Variants in LHPP observed in about 807,000 individuals in gnomAD.
LHPP encodes the protein phospholysine phosphohistidine inorganic pyrophosphate phosphatase.
In LHPP, 24 loss-of-function variants were observed where a neutral mutation model predicts 30.3. The ratio of observed to expected loss-of-function variants is 0.79; its 90% confidence interval spans 0.57 to 1.11. The LOEUF (loss-of-function observed/expected upper bound fraction) is 1.11, where lower values mean the gene tolerates loss of function less well. Ranked by LOEUF, LHPP falls within the 50% of genes most tolerant of loss-of-function variation. The probability of loss-of-function intolerance (pLI) is 0.00; values close to 1 mark genes in which losing one functional copy is unlikely to be tolerated. For missense variants in LHPP, 356 were observed against 367.2 expected (o/e 0.97, Z 0.25); for synonymous variants, 150 against 157.1 (o/e 0.95, Z 0.34).
rs1185061215 is a variant in LHPP, at chr10:124,593,502, G to A, written c.717-19762G>A. On this transcript the variant is annotated intron_variant, in intron 6 of 6. Transcript: ENST00000368842. The surrounding 1 kb of genome is among the most constrained non-coding windows in gnomAD (Gnocchi z 4.9). Reference sequence around the variant, plus strand: ...TTGTTTCCAGCATTAGAGTCACACTGGGGTCCTTGTTCTAGCCCCCGTGTG... The same window carrying A: ...TTGTTTCCAGCATTAGAGTCACACTAGGGTCCTTGTTCTAGCCCCCGTGTG... 6.6e-6 allele frequency among the ~76,000 whole-genome samples: 1 copy of A among 152,174 alleles called. No individual in the cohort carries two copies. The highest frequency in any genetic ancestry group is 1.5e-5 in the Non-Finnish European group (1 of 68,034).
chr10:124,559,167 C>T (rs1371438986), intron 6 of LHPP, among the ~76,000 whole-genome samples: 2 of 152,200 alleles, frequency 1.3e-5, no homozygotes, highest in Non-Finnish European at 2.9e-5. Flanking sequence ...TTTCTACCCC[C>T]AGGCTAGTTA....
At chr10:124,466,764 C>A (rs1171402912) in intron 1 of LHPP, among the ~76,000 whole-genome samples, 2 of 151,650 alleles carry the variant, frequency 1.3e-5, no homozygotes, top group Non-Finnish European at 2.9e-5. Flanking sequence ...GCCTGCATAT[C>A]ATTTTTAAGA....
chr10:124,606,526 C>T (rs1230939608), intron 6 of LHPP, among the ~76,000 whole-genome samples: 1 of 152,222 alleles, frequency 6.6e-6, no homozygotes, highest in Non-Finnish European at 1.5e-5. Flanking sequence ...GCTGCAGGGT[C>T]CCCAGGTGCA....
At chr10:124,574,316 C>T (rs1375913902) in intron 6 of LHPP, among the ~76,000 whole-genome samples, 1 of 152,162 alleles carries the variant, frequency 6.6e-6, no homozygotes, top group Admixed American at 6.5e-5. Context: ...TCGCCAGCAG[C>T]AGGCTCGCCC....
Position 124,576,085 on chromosome 10 carries a change from C to T in LHPP, c.717-37179C>T, listed in dbSNP as rs1445908150. 2.6e-5 allele frequency among the ~76,000 whole-genome samples: 4 copies of T among 152,152 alleles called. No individual in the cohort carries two copies. Among genetic ancestry groups the T allele is most frequent in the Admixed American group, 6.5e-5 (1 of 15,284 alleles). On this transcript the variant is annotated intron_variant, in intron 6 of 6. Coordinates refer to ENST00000368842, the MANE Select transcript of LHPP (RefSeq NM_022126.4). The surrounding 1 kb of genome is among the most constrained non-coding windows in gnomAD (Gnocchi z 4.2). ...CTGGATTGGTCGTTTCTGCATTGTC[C>T]GGAGCTCTCAGACCTGGTTTCTTAA... is the stretch of plus-strand genomic sequence containing the variant.
intron 1 of LHPP, among the ~76,000 whole-genome samples, chr10:124,480,628 T>C (rs1420319338): frequency 6.6e-6 from 1 of 152,182 alleles, no homozygotes; most frequent in African/African-American, 2.4e-5. Context: ...TGGAGATCTA[T>C]CCATAATGTA....
chr10:124,480,514 T>C (rs1953090727), intron 1 of LHPP, among the ~76,000 whole-genome samples: 2 of 152,184 alleles, frequency 1.3e-5, no homozygotes, highest in Admixed American at 6.5e-5. Context: ...GAAGGTCACA[T>C]CATCATTCAT....
intron 6 of LHPP, among the ~76,000 whole-genome samples, chr10:124,566,104 C>T (rs1164286849): frequency 1.3e-5 from 2 of 152,244 alleles, no homozygotes; most frequent in Non-Finnish European, 2.9e-5. Context: ...GCAGCAAGAG[C>T]AGGGACAGGT....
At chr10:124,471,447 T>A (rs12761937) in intron 1 of LHPP, among the ~76,000 whole-genome samples, 1 of 2,922 alleles carries the variant, frequency 3.4e-4, no homozygotes, top group Admixed American at 0.013. Flanking sequence ...TTATATATAT[T>A]TATATATTTA....
At chr10:124,498,329 T>C in intron 5 of LHPP, 2 of 1,575,470 alleles carry the variant, frequency 1.3e-6, no homozygotes, top group Non-Finnish European at 8.6e-7. Context: ...ACCGTGAAGT[T>C]ACTTTCAGTA....
intron 6 of LHPP, among the ~76,000 whole-genome samples, chr10:124,551,891 G>C (rs1376034153): frequency 6.6e-6 from 1 of 152,004 alleles, no homozygotes; most frequent in Non-Finnish European, 1.5e-5. Flanking sequence ...GCAGGCCCCC[G>C]GGTGGCAGCT....
intron 6 of LHPP, among the ~76,000 whole-genome samples, chr10:124,570,499 A>G (rs1484968664): frequency 6.6e-6 from 1 of 152,230 alleles, no homozygotes; most frequent in African/African-American, 2.4e-5. Flanking sequence ...AATTCCTCTT[A>G]AAATACACAA....
rs184756554 is a variant in LHPP at position 124,596,703 on chromosome 10, C to T, written c.717-16561C>T. On this transcript the variant is annotated intron_variant, in intron 6 of 6. Transcript: ENST00000368842. The surrounding 1 kb of genome is among the most constrained non-coding windows in gnomAD (Gnocchi z 4.6). ...GGGGGACACCATGAAGCTGGGTGGA[C>T]GGGTGGGGAGGCCCGACTTTAAGGG... Among the ~76,000 whole-genome samples, 26 of 152,274 alleles carry T rather than the reference C, an allele frequency of 1.7e-4. No individual in the cohort carries two copies. The East Asian group carries it at 3.9e-3, about 23-fold the overall frequency.
At chr10:124,502,667 C>G (rs1002575228) in intron 5 of LHPP, among the ~76,000 whole-genome samples, 1 of 71,308 alleles carries the variant, frequency 1.4e-5, no homozygotes, top group East Asian at 3.6e-4. Context: ...CACGCCCAGC[C>G]TTTTTTTTTT....
rs1335880117 is a variant in LHPP at position 124,592,862 on chromosome 10, G to C, written c.717-20402G>C. ...GGGCGCGGCAGCCCGCCAGGAGCCCGGGCAGCTTGGATGGGGTCCCTGTGG... is the reference window on the plus strand; with the variant it reads ...GGGCGCGGCAGCCCGCCAGGAGCCCCGGCAGCTTGGATGGGGTCCCTGTGG... On this transcript the variant is annotated intron_variant, in intron 6 of 6. Transcript: ENST00000368842. This position sits in a 1 kb window ranked among gnomAD's most constrained non-coding sequence, Gnocchi z 6.2. Among the ~76,000 whole-genome samples the C allele has an allele frequency of 6.6e-6, 1 of 152,256 alleles. No homozygotes were observed. The highest frequency in any genetic ancestry group is 2.1e-4 in the South Asian group (1 of 4,838).
intron 5 of LHPP, among the ~76,000 whole-genome samples, chr10:124,516,379 A>C (rs1407170741): frequency 6.6e-6 from 1 of 152,122 alleles, no homozygotes; most frequent in Admixed American, 6.5e-5. Flanking sequence ...TTACCTCCTT[A>C]CAGGCCCTGT....
At chr10:124,547,888 G>A (rs1955392478) in intron 6 of LHPP, among the ~76,000 whole-genome samples, 1 of 152,256 alleles carries the variant, frequency 6.6e-6, no homozygotes, top group African/African-American at 2.4e-5. Flanking sequence ...ACAGTGAGTG[G>A]AGGTGGGTGG....
At chr10:124,548,047 G>A (rs766227081) in intron 6 of LHPP, among the ~76,000 whole-genome samples, 1 of 152,212 alleles carries the variant, frequency 6.6e-6, no homozygotes, top group Non-Finnish European at 1.5e-5. Context: ...TCTCCGGTCA[G>A]CAAGCTCCCT....
intron 3 of LHPP, among the ~76,000 whole-genome samples, chr10:124,493,004 A>G (rs926957150): frequency 6.6e-6 from 1 of 152,192 alleles, no homozygotes; most frequent in African/African-American, 2.4e-5. Flanking sequence ...CCTGGGCAGC[A>G]TAGTAAGATT....
Sources: allele counts gnomAD v4.1 joint callset (sites outside exome capture counted in the v4.1 genomes callset), GRCh38; gene constraint gnomAD v4.1.1; non-coding constraint Gnocchi (gnomAD v3.1); transcripts MANE v1.5; gene names NCBI Gene and HGNC (gene_info 2026-07-23, HGNC 2026-07-21).